The following KCNJ6 variants were observed in gnomAD, a reference collection of about 807,000 sequenced individuals.
KCNJ6 encodes the protein G protein-activated inward rectifier potassium channel 2.
In KCNJ6, 9 loss-of-function variants were observed where a neutral mutation model predicts 34.2. That is an observed-to-expected ratio of 0.26 (90% CI 0.16 to 0.46). The LOEUF is 0.46. Ranked by LOEUF, KCNJ6 falls within the 20% of genes least tolerant of loss-of-function variation. The pLI is 1.00. For missense variants in KCNJ6, 236 were observed against 531.3 expected, an observed-to-expected ratio of 0.44 and a Z score of 5.46; for synonymous variants, 196 against 207.1, an observed-to-expected ratio of 0.95 and a Z score of 0.46.
rs116356356 is a variant in KCNJ6, at chr21:37,824,580, G to A, written c.25+16078C>T. Among the ~76,000 whole-genome samples, 1,290 of 152,192 alleles carry A rather than the reference G, an allele frequency of 8.5e-3. 21 individuals carry two copies. The highest frequency in any genetic ancestry group is 0.03 in the African/African-American group (1,239 of 41,522). On this transcript the variant is annotated intron_variant, in intron 2 of 3. Coordinates refer to ENST00000609713, the MANE Select transcript of KCNJ6 (RefSeq NM_002240.5). ...CCCCACATGTGGAGGGAGGGACCTGGTGGGAGGTAATTTGATCATGGGGGC... is the reference window on the plus strand; with the variant it reads ...CCCCACATGTGGAGGGAGGGACCTGATGGGAGGTAATTTGATCATGGGGGC...
chr21:37,914,256 A>G (rs1039101581), intron 1 of KCNJ6, among the ~76,000 whole-genome samples: 1 of 152,164 alleles, frequency 6.6e-6, no homozygotes, highest in Non-Finnish European at 1.5e-5. Flanking sequence ...GCACGAGCCA[A>G]AGACTCATTT....
chr21:37,702,776 GA>G (rs1446028896), intron 3 of KCNJ6, among the ~76,000 whole-genome samples: 2 of 152,206 alleles, frequency 1.3e-5, no homozygotes, highest in East Asian at 3.9e-4. Context: ...GCTTGCAGAA[GA>G]GAATGGAAAG....
chr21:37,658,783 G>A (rs2054475621), intron 3 of KCNJ6, among the ~76,000 whole-genome samples: 1 of 152,162 alleles, frequency 6.6e-6, no homozygotes, highest in Non-Finnish European at 1.5e-5. Flanking sequence ...CAGAGGCAGT[G>A]GTCCTTTGCC....
intron 1 of KCNJ6, among the ~76,000 whole-genome samples, chr21:37,868,779 G>T (rs1324772767): frequency 6.6e-6 from 1 of 152,170 alleles, no homozygotes; most frequent in Non-Finnish European, 1.5e-5. Flanking sequence ...TCTCACAACG[G>T]GCAGGCAGGG....
intron 1 of KCNJ6, among the ~76,000 whole-genome samples, chr21:37,877,104 C>T (rs545439484): frequency 6.6e-6 from 1 of 152,284 alleles, no homozygotes; most frequent in South Asian, 2.1e-4. Flanking sequence ...ACACTATTTG[C>T]ATGTGCTATA....
At chr21:37,879,734 TGTGTG>T (rs2055697430) in intron 1 of KCNJ6, among the ~76,000 whole-genome samples, 1 of 150,968 alleles carries the variant, frequency 6.6e-6, no homozygotes, top group Non-Finnish European at 1.5e-5. Context: ...TGTGTGTGTG[TGTGTG>T]TGTGTGTGTG....
chr21:37,840,015 T>C (rs2055472256), intron 2 of KCNJ6, among the ~76,000 whole-genome samples: 1 of 152,198 alleles, frequency 6.6e-6, no homozygotes, highest in Non-Finnish European at 1.5e-5. Context: ...GCCAAGCCGA[T>C]CTTGAACTCC....
chr21:37,647,477 A>G (rs1218593846), intron 3 of KCNJ6, among the ~76,000 whole-genome samples: 1 of 152,204 alleles, frequency 6.6e-6, no homozygotes, highest in Admixed American at 6.5e-5. Flanking sequence ...GCCAGAGACC[A>G]GTAAACAACA....
chr21:37,704,957 A>C (rs1709816), intron 3 of KCNJ6, among the ~76,000 whole-genome samples: 84,771 of 151,624 alleles, frequency 0.56, 24,272 homozygotes, highest in East Asian at 0.8. Flanking sequence ...CCAGAGCTTC[A>C]ACTGGCACAG....
rs1367858879 is a variant in KCNJ6, at chr21:37,623,259, G to A, written c.*1900C>T. The A allele has an allele frequency of 6.6e-6, 1 of 152,188 alleles. No homozygotes were observed. The highest frequency in any genetic ancestry group is 2.4e-5 in the African/African-American group (1 of 41,436). 9.4% of individuals were successfully genotyped at this position (152,188 alleles called of 1,614,324 possible). A position where few individuals can be genotyped will look rare whatever the true frequency, so the allele number is the denominator to read the frequency against. ...TTAGGAGCCACTTTCCTTATCCTGG[G>A]ACTTCTTTTTTAGTAGACAAGGTCC... is the stretch of plus-strand genomic sequence containing the variant. On this transcript the variant is annotated 3_prime_UTR_variant, in exon 4 of 4. Coordinates refer to ENST00000609713, the MANE Select transcript of KCNJ6 (RefSeq NM_002240.5).
chr21:37,628,699 A>C (rs1025305515), intron 3 of KCNJ6, among the ~76,000 whole-genome samples: 1 of 152,220 alleles, frequency 6.6e-6, no homozygotes, highest in African/African-American at 2.4e-5. Context: ...AACAAACCAC[A>C]AGTAAGGTGA....
In KCNJ6 at chr21:37,883,052, G is replaced by A. The variant is rs182010619; in HGVS notation, c.-28+32832C>T. Among the ~76,000 whole-genome samples the A allele has an allele frequency of 9.7e-4, 147 of 152,310 alleles. 1 individual carries two copies. Among genetic ancestry groups the A allele is most frequent in the Non-Finnish European group, 1.7e-3 (114 of 68,024 alleles). On this transcript the variant is annotated intron_variant, in intron 1 of 3. Transcript: ENST00000609713. ...TCTGTATGTGCATGTGTATTCACGC[G>A]CTTTTACGCCGGTGCAGGCCTTCAC...
intron 3 of KCNJ6, among the ~76,000 whole-genome samples, chr21:37,696,115 G>A (rs1393368266): frequency 6.6e-6 from 1 of 152,208 alleles, no homozygotes; most frequent in African/African-American, 2.4e-5. Context: ...ACACATCAAT[G>A]TAGAAAGAAC....
At chr21:37,811,193 C>G (rs971386154) in intron 2 of KCNJ6, among the ~76,000 whole-genome samples, 3 of 152,152 alleles carry the variant, frequency 2.0e-5, no homozygotes, top group Non-Finnish European at 4.4e-5. Context: ...CACCCCAACT[C>G]CATGGGGATA....
At chr21:37,864,778 T>C (rs1401233028) in intron 1 of KCNJ6, among the ~76,000 whole-genome samples, 1 of 152,162 alleles carries the variant, frequency 6.6e-6, no homozygotes, top group Non-Finnish European at 1.5e-5. Flanking sequence ...TTTGTTTTAC[T>C]TTTACTGAAG....
chr21:37,886,029 T>C (rs1366354014), intron 1 of KCNJ6, among the ~76,000 whole-genome samples: 1 of 152,114 alleles, frequency 6.6e-6, no homozygotes, highest in Non-Finnish European at 1.5e-5. Flanking sequence ...GTGGATAAAA[T>C]GACACGATTT....
chr21:37,863,474 G>T (rs1005579171), intron 1 of KCNJ6, among the ~76,000 whole-genome samples: 50 of 152,204 alleles, frequency 3.3e-4, no homozygotes, highest in African/African-American at 1.2e-3. Flanking sequence ...ATTTATGACT[G>T]AATTTTTGAG....
intron 2 of KCNJ6, among the ~76,000 whole-genome samples, chr21:37,792,233 G>A (rs1284745485): frequency 1.3e-5 from 2 of 152,254 alleles, no homozygotes; most frequent in Non-Finnish European, 2.9e-5. Flanking sequence ...TTTGTGGTCA[G>A]TTAGTGGTGT....
At chr21:37,866,627 C>A (rs141549948) in intron 1 of KCNJ6, among the ~76,000 whole-genome samples, 1 of 11,644 alleles carries the variant, frequency 8.6e-5, no homozygotes, top group Non-Finnish European at 1.6e-4. Flanking sequence ...GGAGAATGAG[C>A]AAGAAAAGTG....
Sources: gnomAD v4.1 joint callset for allele counts (sites outside exome capture counted in the v4.1 genomes callset) on GRCh38, gnomAD v4.1.1 for gene constraint, MANE v1.5 for transcripts, NCBI Gene and HGNC (gene_info 2026-07-23, HGNC 2026-07-21) for gene names.